The following ADAM2 variants were observed in gnomAD, a reference collection of about 807,000 sequenced individuals.
The protein encoded by ADAM2 is disintegrin and metalloproteinase domain-containing protein 2.
A neutral mutation model predicts 99.3 loss-of-function variants in ADAM2; 101 were observed. The ratio of observed to expected loss-of-function variants is 1.02; its 90% CI spans 0.87 to 1.20. The LOEUF (loss-of-function observed/expected upper bound fraction) is 1.20. ADAM2 is among the 50% of genes most tolerant of loss of function. The pLI is 0.00. For synonymous variants in ADAM2, 323 were observed against 287.6 expected (o/e 1.12, Z -1.25); for missense variants, 948 against 878.7 (o/e 1.08, Z -1.00).
chr8:39,795,112 A>G (rs1803883994), intron 7 of ADAM2, among the ~76,000 whole-genome samples: 1 of 152,182 alleles, frequency 6.6e-6, no homozygotes, highest in South Asian at 2.1e-4. Context: ...AAGTTGAAGA[A>G]TAGATAATTA....
chr8:39,746,435 A>G, intron 19 of ADAM2, 37 bp downstream of exon 19: 7 of 1,368,180 alleles, frequency 5.1e-6, no homozygotes, highest in Non-Finnish European at 6.9e-6. Flanking sequence ...TTCATAAATT[A>G]TACAAATAAC....
At chr8:39,754,903 A>G (rs1179315119) in intron 16 of ADAM2, among the ~76,000 whole-genome samples, 2 of 152,204 alleles carry the variant, frequency 1.3e-5, no homozygotes, top group East Asian at 3.8e-4. Context: ...GCAAAGTAAG[A>G]AAGATAGTTA....
In ADAM2 at chr8:39,790,549, T is replaced by C. The variant is rs150282698; in HGVS notation, c.571-1809A>G. Among the ~76,000 whole-genome samples, 5 of 152,064 alleles carry C rather than the reference T, an allele frequency of 3.3e-5. No individual in the cohort carries two copies. In the East Asian group the frequency reaches 9.6e-4, roughly 29 times the overall value. ...AAAGTAAGGGCAGAGGGATTGGGAG[T>C]AATTGCTAATGGATGCAAAGTCTTT... On this transcript the variant is annotated intron_variant, in intron 7 of 20. Coordinates refer to ENST00000265708, the MANE Select transcript of ADAM2 (RefSeq NM_001464.5).
At chr8:39,751,811 G>A (rs906608885) in intron 16 of ADAM2, among the ~76,000 whole-genome samples, 4 of 151,894 alleles carry the variant, frequency 2.6e-5, no homozygotes, top group Admixed American at 6.6e-5. Flanking sequence ...GAACTAAAAT[G>A]CTAAATGAAA....
intron 3 of ADAM2, among the ~76,000 whole-genome samples, chr8:39,833,122 G>A (rs764648817): frequency 6.7e-4 from 102 of 152,068 alleles, no homozygotes; most frequent in Non-Finnish European, 8.2e-4. Flanking sequence ...AGTAACAACT[G>A]TTGGGATTCT....
intron 11 of ADAM2, 77 bp from the exon 12 acceptor site, chr8:39,769,652 C>G: frequency 2.1e-6 from 2 of 963,804 alleles, no homozygotes; most frequent in East Asian, 2.6e-5. Context: ...ACCTATACAA[C>G]AGCATTCCAC....
chr8:39,789,053 T>A (rs926012100), intron 7 of ADAM2, among the ~76,000 whole-genome samples: 1 of 151,570 alleles, frequency 6.6e-6, no homozygotes. Flanking sequence ...TAAACCGGAA[T>A]GTTTAGATGT....
chr8:39,825,135 C>T (rs183676916), intron 3 of ADAM2, among the ~76,000 whole-genome samples: 4 of 152,260 alleles, frequency 2.6e-5, no homozygotes, highest in African/African-American at 7.2e-5. Context: ...TTGGACCTCA[C>T]GATATTTGTA....
Position 39,769,606 on chromosome 8 carries a change from G to A in ADAM2, c.1029-31C>T, listed in dbSNP as rs373447775. 40 of 1,531,108 alleles carry A rather than the reference G, an allele frequency of 2.6e-5. No homozygotes were observed. In the African/African-American group the frequency reaches 4.6e-4, roughly 18 times the overall value. 94.8% of individuals were successfully genotyped at this position (1,531,108 alleles called of 1,614,324 possible). A position where few individuals can be genotyped will look rare whatever the true frequency, so the allele number is the denominator to read the frequency against. On this transcript the variant is annotated intron_variant, in intron 11 of 20. Transcript: ENST00000265708. ...GACACATCAAACGTCAAATTTTAATGTAAGGGTTTCCATAAACTACCTACC... is the reference window on the plus strand; with the variant it reads ...GACACATCAAACGTCAAATTTTAATATAAGGGTTTCCATAAACTACCTACC...
At position 39,820,990 on chromosome 8, in the gene ADAM2, T is replaced by C; in HGVS notation, c.513+12A>G. On this transcript the variant is annotated intron_variant, in intron 6 of 20. Transcript: ENST00000265708. ...AGTAATAACCATAGAGTTTGTTCAATTAATCACCTACCTCTACGCTTTGTA... is the reference window on the plus strand; with the variant it reads ...AGTAATAACCATAGAGTTTGTTCAACTAATCACCTACCTCTACGCTTTGTA... 1.3e-6 allele frequency: 2 copies of C among 1,542,042 alleles called. No individual in the cohort carries two copies. Among genetic ancestry groups the C allele is most frequent in the Non-Finnish European group, 1.8e-6 (2 of 1,135,138 alleles).
intron 10 of ADAM2, among the ~76,000 whole-genome samples, chr8:39,783,553 C>T (rs1404921348): frequency 6.6e-6 from 1 of 152,134 alleles, no homozygotes; most frequent in Non-Finnish European, 1.5e-5. Context: ...TTGTCTCCCT[C>T]CCACTCCAAA....
At chr8:39,806,928 T>G (rs1010812690) in intron 7 of ADAM2, among the ~76,000 whole-genome samples, 3 of 152,102 alleles carry the variant, frequency 2.0e-5, no homozygotes, top group African/African-American at 7.2e-5. Flanking sequence ...TTTGACAGGA[T>G]GGAACGATAC....
At chr8:39,837,751 A>G (rs749842347) in intron 1 of ADAM2, among the ~76,000 whole-genome samples, 1 of 152,072 alleles carries the variant, frequency 6.6e-6, no homozygotes, top group Non-Finnish European at 1.5e-5. Flanking sequence ...GGATCTGGTA[A>G]CCTTGGGTCA....
Position 39,766,830 on chromosome 8 carries a change from T to A in ADAM2, c.1507+18A>T, listed in dbSNP as rs200158107. On this transcript the variant is annotated intron_variant, in intron 14 of 20. Transcript: ENST00000265708. ...CAGAAAAAAACGCATATATGAGAAA[T>A]CAAATGATAATAAATACCTTTGCCA... 3.4e-5 allele frequency: 52 copies of A among 1,546,382 alleles called. No individual in the cohort carries two copies. Among genetic ancestry groups the A allele is most frequent in the Non-Finnish European group, 4.5e-5 (51 of 1,139,554 alleles).
chr8:39,827,893 G>A (rs1805472490), intron 3 of ADAM2, among the ~76,000 whole-genome samples: 1 of 152,036 alleles, frequency 6.6e-6, no homozygotes, highest in African/African-American at 2.4e-5. Flanking sequence ...AAAAAGGTAA[G>A]TATTTGAATT....
chr8:39,809,946 T>C (rs1804624335), intron 6 of ADAM2, among the ~76,000 whole-genome samples: 1 of 152,124 alleles, frequency 6.6e-6, no homozygotes, highest in Non-Finnish European at 1.5e-5. Flanking sequence ...TAACCTTAAA[T>C]GCAAATGGGC....
intron 2 of ADAM2, among the ~76,000 whole-genome samples, chr8:39,835,724 AT>A (rs1340920726): frequency 6.6e-6 from 1 of 151,938 alleles, no homozygotes; most frequent in African/African-American, 2.4e-5. Context: ...GAATAATCTT[AT>A]GGTTTCTAGC....
intron 6 of ADAM2, among the ~76,000 whole-genome samples, chr8:39,813,882 C>T (rs1053564203): frequency 1.3e-5 from 2 of 151,276 alleles, no homozygotes; most frequent in East Asian, 1.9e-4. Context: ...GAAAGCTGCA[C>T]GTTGTGCACA....
intron 14 of ADAM2, among the ~76,000 whole-genome samples, chr8:39,762,094 G>GA (rs577990687): frequency 8.6e-5 from 13 of 151,826 alleles, no homozygotes; most frequent in Non-Finnish European, 1.8e-4. Flanking sequence ...AAAGGAAAAA[G>GA]AAAAAAAAGC....
Sources: allele counts gnomAD v4.1 joint callset (sites outside exome capture counted in the v4.1 genomes callset), GRCh38; gene constraint gnomAD v4.1.1; transcripts MANE v1.5; gene names NCBI Gene and HGNC (gene_info 2026-07-23, HGNC 2026-07-21).